Variants in RYR3 observed in about 807,000 individuals in gnomAD.
The protein encoded by RYR3 is ryanodine receptor 3.
RYR3 carries 207 observed loss-of-function variants against 584.3 expected under a neutral mutation model. The ratio of observed to expected loss-of-function variants is 0.35; its 90% CI spans 0.32 to 0.40. The LOEUF is 0.40. Among genes scored for constraint, RYR3 ranks in the 10% least tolerant of loss-of-function variants. The pLI is 1.00. For synonymous variants in RYR3, 2,416 were observed against 2,248.5 expected (o/e 1.07, Z -2.11); for missense variants, 5,616 against 6,089.2 (o/e 0.92, Z 2.59).
At chr15:33,540,216 G>A (rs527811588) in intron 6 of RYR3, among the ~76,000 whole-genome samples, 10 of 152,212 alleles carry the variant, frequency 6.6e-5, no homozygotes, top group Middle Eastern at 3.4e-3. Flanking sequence ...AGAAAGGATC[G>A]AATATAGGAA....
At chr15:33,700,944 C>T (rs747291939) in intron 41 of RYR3, 33 bp from the exon 42 acceptor site, 1 of 1,519,858 alleles carries the variant, frequency 6.6e-7, no homozygotes, top group Non-Finnish European at 9.1e-7. Flanking sequence ...CTTCCTCTGT[C>T]CTTTTCTTGC....
chr15:33,327,988 G>A (rs1326803626), intron 1 of RYR3, among the ~76,000 whole-genome samples: 1 of 152,198 alleles, frequency 6.6e-6, no homozygotes, highest in African/African-American at 2.4e-5. Flanking sequence ...TAATGGGAAT[G>A]ACTTGTTTTC....
chr15:33,584,808 T>C (rs2058764285), intron 15 of RYR3, among the ~76,000 whole-genome samples: 2 of 146,140 alleles, frequency 1.4e-5, no homozygotes, highest in South Asian at 4.5e-4. Flanking sequence ...GTGATCCTGG[T>C]CTCCTTCTAA....
At chr15:33,695,417 A>G (rs928335472) in intron 38 of RYR3, among the ~76,000 whole-genome samples, 2 of 150,246 alleles carry the variant, frequency 1.3e-5, no homozygotes, top group Non-Finnish European at 2.9e-5. Flanking sequence ...CTTTACTTGT[A>G]TAGACAGTAA....
intron 85 of RYR3, among the ~76,000 whole-genome samples, chr15:33,828,420 T>C (rs918681000): frequency 1.6e-4 from 25 of 152,214 alleles, no homozygotes; most frequent in African/African-American, 5.8e-4. Context: ...TGTTGAAAGC[T>C]AAGACAGGCC....
At position 33,603,186 on chromosome 15, in the gene RYR3, C is replaced by A; in HGVS notation, c.1986C>A (p.Phe662Leu). ...EGSAQYKKWY[F>L]ELIIDQVDPF... ...CAGCCCAGTACAAGAAGTGGTACTT[C>A]GAGCTGATTATCGACCAGGTGGACC... Residue 662 changes from phenylalanine (F) to leucine (L), a missense_variant, in exon 18 of 104, where the codon TTC becomes TTA. By Grantham distance (22) the Phe-to-Leu change is conservative. This residue lies in a region of RYR3 where 1,284 missense variants were observed against 1,344.6 expected (regional missense o/e 0.95). Transcript: ENST00000634891. The A allele has an allele frequency of 6.2e-7, 1 of 1,613,866 alleles. No individual in the cohort carries two copies. The highest frequency in any genetic ancestry group is 8.5e-7 in the Non-Finnish European group (1 of 1,179,832).
chr15:33,819,501 A>G (rs893903696), intron 76 of RYR3, among the ~76,000 whole-genome samples: 1 of 151,744 alleles, frequency 6.6e-6, no homozygotes, highest in Non-Finnish European at 1.5e-5. Flanking sequence ...GTGAAACCCC[A>G]TCTCTACTAA....
intron 43 of RYR3, among the ~76,000 whole-genome samples, chr15:33,717,310 G>A (rs909515379): frequency 6.6e-5 from 10 of 152,028 alleles, no homozygotes; most frequent in African/African-American, 2.4e-4. Flanking sequence ...CTTAAATTTT[G>A]TACATCTTAA....
intron 1 of RYR3, among the ~76,000 whole-genome samples, chr15:33,454,579 A>G (rs1246378180): frequency 2.0e-5 from 3 of 152,216 alleles, no homozygotes; most frequent in Admixed American, 1.3e-4. Flanking sequence ...GAGGCAGACA[A>G]GCGAAACAGC....
At chr15:33,337,005 C>A (rs1184574754) in intron 1 of RYR3, among the ~76,000 whole-genome samples, 1 of 124,836 alleles carries the variant, frequency 8.0e-6, no homozygotes, top group African/African-American at 3.1e-5. Flanking sequence ...TTGCATGAGC[C>A]GAGATAGTGC....
intron 1 of RYR3, among the ~76,000 whole-genome samples, chr15:33,379,442 G>C (rs528377669): frequency 4.1e-4 from 62 of 152,146 alleles, no homozygotes; most frequent in Non-Finnish European, 3.1e-4. Context: ...AATACTTTTT[G>C]TCATTGTTCT....
At chr15:33,652,425 T>G (rs750258726) in intron 31 of RYR3, among the ~76,000 whole-genome samples, 2 of 152,218 alleles carry the variant, frequency 1.3e-5, no homozygotes, top group African/African-American at 2.4e-5. Flanking sequence ...TCCCATGATC[T>G]GTTTCACAAA....
At chr15:33,658,552 A>G (rs1265744674) in intron 32 of RYR3, among the ~76,000 whole-genome samples, 3 of 152,260 alleles carry the variant, frequency 2.0e-5, no homozygotes, top group African/African-American at 4.8e-5. Flanking sequence ...GGGTATGTCC[A>G]GCACACCTGC....
chr15:33,334,606 C>T (rs960315690), intron 1 of RYR3, among the ~76,000 whole-genome samples: 1 of 152,096 alleles, frequency 6.6e-6, no homozygotes, highest in Non-Finnish European at 1.5e-5. Flanking sequence ...CAATACGATT[C>T]AGGAAATAGG....
chr15:33,502,817 A>T (rs982789549), intron 2 of RYR3, among the ~76,000 whole-genome samples: 2 of 152,158 alleles, frequency 1.3e-5, no homozygotes, highest in Non-Finnish European at 2.9e-5. Flanking sequence ...ACCTAAACTC[A>T]CTGTGCCTTC....
At chr15:33,617,381 C>T (rs1319457533) in intron 19 of RYR3, among the ~76,000 whole-genome samples, 2 of 151,574 alleles carry the variant, frequency 1.3e-5, no homozygotes, top group Non-Finnish European at 2.9e-5. Flanking sequence ...CACTGCACTC[C>T]AGCCTGGGCG....
intron 67 of RYR3, among the ~76,000 whole-genome samples, chr15:33,791,544 G>A (rs1313652815): frequency 6.6e-6 from 1 of 152,164 alleles, no homozygotes; most frequent in Non-Finnish European, 1.5e-5. Flanking sequence ...ATGAGGGGTG[G>A]TTCCCAGGGA....
intron 72 of RYR3, among the ~76,000 whole-genome samples, chr15:33,811,621 T>TTACAAAGAAGA (rs1555468838): frequency 5.3e-5 from 8 of 151,306 alleles, no homozygotes; most frequent in Admixed American, 2.6e-4. Flanking sequence ...ACAAAGAGGA[T>TTACAAAGAAGA]TACAAAGAGG....
intron 38 of RYR3, among the ~76,000 whole-genome samples, chr15:33,676,456 G>T (rs2064184019): frequency 6.6e-6 from 1 of 152,206 alleles, no homozygotes; most frequent in Non-Finnish European, 1.5e-5. Context: ...TATTTTTGAG[G>T]TGTCAGACAT....
Sources: allele counts gnomAD v4.1 joint callset (sites outside exome capture counted in the v4.1 genomes callset), GRCh38; gene constraint gnomAD v4.1.1; regional missense constraint gnomAD v4.1.1; transcripts MANE v1.5; gene names NCBI Gene and HGNC (gene_info 2026-07-23, HGNC 2026-07-21).